Variants in EMILIN2 observed in about 807,000 individuals in gnomAD.
The protein encoded by EMILIN2 is elastin microfibril interfacer 2.
A neutral mutation model predicts 87.1 loss-of-function variants in EMILIN2; 71 were observed. The ratio of observed to expected loss-of-function variants is 0.82; its 90% CI spans 0.67 to 0.99. EMILIN2 has a LOEUF of 0.99. Among genes scored for constraint, EMILIN2 ranks in the 50% least tolerant of loss-of-function variants. The pLI is 0.00. For missense variants in EMILIN2, 1,407 were observed against 1,371.8 expected (o/e 1.03, Z -0.40); for synonymous variants, 581 against 563.4 (o/e 1.03, Z -0.44).
At chr18:2,876,671 C>T (rs1426530585) in intron 2 of EMILIN2, among the ~76,000 whole-genome samples, 1 of 150,122 alleles carries the variant, frequency 6.7e-6, no homozygotes, top group South Asian at 2.2e-4. Context: ...GAGGCTGAGG[C>T]AGGAGAATGG....
In EMILIN2 at chr18:2,847,292, G is replaced by T; in HGVS notation, c.104G>T (p.Gly35Val). ...CTGTGCCACGCCGGCCCGCAGCCCG[G>T]GTATCCCGCGCGGCCCAGCGCCAGG... ...AGLCHAGPQP[G>V]YPARPSARNK... The change falls in exon 1 of 8, where the codon GGG (glycine) becomes GTG (valine). Residue 35 changes from glycine (G) to valine (V), a missense_variant. Transcript: ENST00000254528. The surrounding 1 kb of genome is among the most constrained non-coding windows in gnomAD (Gnocchi z 4.5). The T allele has an allele frequency of 7.6e-7, 1 of 1,319,296 alleles. No individual in the cohort carries two copies. The highest frequency in any genetic ancestry group is 9.6e-7 in the Non-Finnish European group (1 of 1,037,386). The allele number at this position is 1,319,296 out of a possible 1,614,324, so 81.7% of individuals were successfully genotyped here. A position where few individuals can be genotyped will look rare whatever the true frequency, so the allele number is the denominator to read the frequency against.
At chr18:2,904,740 T>C (rs763103972) in intron 4 of EMILIN2, among the ~76,000 whole-genome samples, 4 of 152,222 alleles carry the variant, frequency 2.6e-5, no homozygotes, top group Non-Finnish European at 4.4e-5. Context: ...GTGGCTTGCT[T>C]TGGTCCCTGT....
chr18:2,855,684 A>G lies in EMILIN2; in HGVS notation c.257+7753A>G, dbSNP rs371004955. On this transcript the variant is annotated intron_variant, in intron 2 of 7. Coordinates refer to ENST00000254528, the MANE Select transcript of EMILIN2 (RefSeq NM_032048.3). ...GCTGACGTGCTTCGGAAGAGGAGAC[A>G]GAAGAGTTGTCCTACAGCCTGACAT... is the stretch of plus-strand genomic sequence containing the variant. Among the ~76,000 whole-genome samples, 3 of 152,206 alleles carry G rather than the reference A, an allele frequency of 2.0e-5. No individual in the cohort carries two copies. In the East Asian group the frequency reaches 5.8e-4, roughly 29 times the overall value.
Position 2,915,613 on chromosome 18 carries a change from C to G in EMILIN2, c.*2209C>G, listed in dbSNP as rs1285049890. 2.0e-5 allele frequency: 3 copies of G among 152,322 alleles called. No individual in the cohort carries two copies. Among genetic ancestry groups the G allele is most frequent in the Non-Finnish European group, 4.4e-5 (3 of 68,208 alleles). 9.4% of individuals were successfully genotyped at this position (152,322 alleles called of 1,614,324 possible). A position where few individuals can be genotyped will look rare whatever the true frequency, so the allele number is the denominator to read the frequency against. ...TCTCAGCTCACTGCAACCTCCGCCT[C>G]CCGGGTTCAAGCAATTCTCCTACCT... On this transcript the variant is annotated 3_prime_UTR_variant, in exon 8 of 8. Transcript: ENST00000254528.
Position 2,913,675 on chromosome 18 carries a change from T to C in EMILIN2, c.*271T>C. 1 of 411,240 alleles carries C rather than the reference T, an allele frequency of 2.4e-6. No homozygotes were observed. The highest frequency in any genetic ancestry group is 4.4e-6 in the Non-Finnish European group (1 of 227,980). The allele number at this position is 411,240 out of a possible 1,614,324, so 25.5% of individuals were successfully genotyped here. On this transcript the variant is annotated 3_prime_UTR_variant, in exon 8 of 8. Coordinates refer to ENST00000254528, the MANE Select transcript of EMILIN2 (RefSeq NM_032048.3). ...GAAAGGCCTCCACCTGTATCTACAC[T>C]CTGAGGGCCCTGGACTGGGCCTGAG...
chr18:2,908,930 TTC>T lies in EMILIN2; in HGVS notation c.2663-11_2663-10del, dbSNP rs747090842. Reference sequence around the variant, plus strand: ...GGTCTTGTTTGACATGCCATTTCCTTTCTGTTTTTCAGGATACCCGAAGTCAC... The same window carrying T: ...GGTCTTGTTTGACATGCCATTTCCTTTGTTTTTCAGGATACCCGAAGTCAC... On this transcript the variant is annotated splice_polypyrimidine_tract_variant and intron_variant, in intron 5 of 7. Coordinates refer to ENST00000254528, the MANE Select transcript of EMILIN2 (RefSeq NM_032048.3). 1.2e-5 allele frequency: 19 copies of T among 1,612,102 alleles called. No homozygotes were observed. Among genetic ancestry groups the T allele is most frequent in the African/African-American group, 8.0e-5 (6 of 74,866 alleles).
In EMILIN2 at chr18:2,861,907, A is replaced by C. The variant is rs376246024; in HGVS notation, c.257+13976A>C. 2.3e-3 allele frequency among the ~76,000 whole-genome samples: 349 copies of C among 152,106 alleles called. 4 individuals carry two copies. Among genetic ancestry groups the C allele is most frequent in the African/African-American group, 7.7e-3 (319 of 41,480 alleles). ...ATTTGTTTGTATCCTCTTTTATTTC[A>C]TTGAGCAGTGGTTTGTAGTTCTCCT... is the stretch of plus-strand genomic sequence containing the variant. On this transcript the variant is annotated intron_variant, in intron 2 of 7. Transcript: ENST00000254528.
At position 2,891,674 on chromosome 18, in the gene EMILIN2, T is replaced by C. The variant is rs375219597; in HGVS notation, c.1547T>C (p.Leu516Pro). The change falls in exon 4 of 8, where the codon CTC (leucine) becomes CCC (proline). Residue 516 changes from leucine to proline, a missense_variant. Physicochemically the swap from Leu to Pro is moderately conservative, Grantham distance 98 (BLOSUM62 -3). Coordinates refer to ENST00000254528, the MANE Select transcript of EMILIN2 (RefSeq NM_032048.3). This position sits in a 1 kb window ranked among gnomAD's most constrained non-coding sequence, Gnocchi z 4.6. ...ATGACCAATAACACTGGTGCAGAGCTCAGTCCCCCAGGGGCAGCAGCCCTG... is the reference window on the plus strand; with the variant it reads ...ATGACCAATAACACTGGTGCAGAGCCCAGTCCCCCAGGGGCAGCAGCCCTG... ...LQMTNNTGAE[L>P]SPPGAAALPG... 1.1e-5 allele frequency: 17 copies of C among 1,613,956 alleles called. No individual in the cohort carries two copies. Among genetic ancestry groups the C allele is most frequent in the Non-Finnish European group, 1.4e-5 (16 of 1,180,034 alleles).
chr18:2,906,838 G>T lies in EMILIN2; in HGVS notation c.2415G>T (p.Glu805Asp). 1 of 1,341,680 alleles carries T rather than the reference G, an allele frequency of 7.5e-7. No homozygotes were observed. Among genetic ancestry groups the T allele is most frequent in the Non-Finnish European group, 9.5e-7 (1 of 1,048,206 alleles). 83.1% of individuals were successfully genotyped at this position (1,341,680 alleles called of 1,614,324 possible). A position where few individuals can be genotyped will look rare whatever the true frequency, so the allele number is the denominator to read the frequency against. The change falls in exon 5 of 8, where the codon GAG (glutamate) becomes GAT (aspartate). Residue 805 changes from glutamate to aspartate, a missense_variant. By Grantham distance (45) the Glu-to-Asp change is conservative. Coordinates refer to ENST00000254528, the MANE Select transcript of EMILIN2 (RefSeq NM_032048.3). ...AEAPKEPLQP[E>D]PAPPRPSGPA... ...CCCCGAAGGAGCCGCTGCAGCCCGA[G>T]CCCGCCCCGCCGAGGCCCAGCGGCC...
chr18:2,879,932 T>C (rs1461121159), intron 2 of EMILIN2, among the ~76,000 whole-genome samples: 1 of 152,170 alleles, frequency 6.6e-6, no homozygotes, highest in Admixed American at 6.5e-5. Flanking sequence ...GTTCTCGAAC[T>C]CCTGAGCTCA....
At chr18:2,856,311 A>G (rs1280418301) in intron 2 of EMILIN2, among the ~76,000 whole-genome samples, 6 of 152,210 alleles carry the variant, frequency 3.9e-5, no homozygotes, top group African/African-American at 1.4e-4. Flanking sequence ...GGAAATGCAC[A>G]TAAGTGATTA....
At position 2,892,346 on chromosome 18, in the gene EMILIN2, G is replaced by A. The variant is rs2076842794; in HGVS notation, c.2219G>A (p.Cys740Tyr). 2 of 1,614,038 alleles carry A rather than the reference G, an allele frequency of 1.2e-6. No homozygotes were observed. Among genetic ancestry groups the A allele is most frequent in the African/African-American group, 2.7e-5 (2 of 74,944 alleles). Residue 740 changes from cysteine (C) to tyrosine (Y), a missense_variant, in exon 4 of 8, where the codon TGT becomes TAT. Transcript: ENST00000254528. ...LNKHVSSLWN[C>Y]VRQMNGTLRS... ...AAGCATGTCAGCAGCCTGTGGAACT[G>A]TGTCAGGCAGATGAACGGAACGCTC...
chr18:2,895,752 G>C (rs2076860573), intron 4 of EMILIN2, among the ~76,000 whole-genome samples: 1 of 152,240 alleles, frequency 6.6e-6, no homozygotes, highest in Admixed American at 6.5e-5. Flanking sequence ...CCTCCCACAG[G>C]CTAGCCCAGA....
chr18:2,889,771 C>T (rs1021179940), intron 3 of EMILIN2, among the ~76,000 whole-genome samples: 5 of 149,946 alleles, frequency 3.3e-5, no homozygotes, highest in East Asian at 2.0e-4. Flanking sequence ...TGGGCTCACG[C>T]CATCTTCCTG....
intron 3 of EMILIN2, among the ~76,000 whole-genome samples, chr18:2,888,852 C>T (rs2076816467): frequency 6.6e-6 from 1 of 150,758 alleles, no homozygotes; most frequent in Non-Finnish European, 1.5e-5. Flanking sequence ...TTACCACTAA[C>T]TTGATTTTAA....
intron 2 of EMILIN2, among the ~76,000 whole-genome samples, chr18:2,882,405 C>T (rs1048327728): frequency 1.3e-5 from 2 of 152,122 alleles, no homozygotes; most frequent in Admixed American, 6.5e-5. Flanking sequence ...GGTATTTTTT[C>T]ACAGTTTCCT....
intron 5 of EMILIN2, among the ~76,000 whole-genome samples, chr18:2,907,742 C>T (rs573210852): frequency 6.6e-6 from 1 of 152,354 alleles, no homozygotes; most frequent in Admixed American, 6.5e-5. Flanking sequence ...ATCTGGATCT[C>T]CTGCAGCCCT....
chr18:2,847,332 C>T lies in EMILIN2; in HGVS notation c.134+10C>T. The T allele has an allele frequency of 7.6e-7, 1 of 1,307,318 alleles. No individual in the cohort carries two copies. Among genetic ancestry groups the T allele is most frequent in the Non-Finnish European group, 9.7e-7 (1 of 1,030,652 alleles). 81.0% of individuals were successfully genotyped at this position (1,307,318 alleles called of 1,614,324 possible). A position where few individuals can be genotyped will look rare whatever the true frequency, so the allele number is the denominator to read the frequency against. On this transcript the variant is annotated intron_variant, in intron 1 of 7. Transcript: ENST00000254528. This position sits in a 1 kb window ranked among gnomAD's most constrained non-coding sequence, Gnocchi z 4.5. ...CCAGCGCCAGGAACAAGTAAGTGCG[C>T]GCCCCTTGGCTGGCCCCAAACCGCC... is the stretch of plus-strand genomic sequence containing the variant.
chr18:2,855,188 C>G (rs2076620929), intron 2 of EMILIN2, among the ~76,000 whole-genome samples: 1 of 152,202 alleles, frequency 6.6e-6, no homozygotes, highest in African/African-American at 2.4e-5. Flanking sequence ...GGGCTGCTCC[C>G]TAGAATCTCC....
Sources: allele counts gnomAD v4.1 joint callset (sites outside exome capture counted in the v4.1 genomes callset), GRCh38; gene constraint gnomAD v4.1.1; non-coding constraint Gnocchi (gnomAD v3.1); transcripts MANE v1.5; gene names NCBI Gene and HGNC (gene_info 2026-07-23, HGNC 2026-07-21).